KIAA1755: variants seen among roughly 807,000 people sequenced by gnomAD.
KIAA1755 encodes the protein uncharacterized protein KIAA1755.
A neutral mutation model predicts 91.7 loss-of-function variants in KIAA1755; 68 were observed. The ratio of observed to expected loss-of-function variants is 0.74; its 90% CI spans 0.61 to 0.91. The LOEUF is 0.91. KIAA1755 is among the 40% of genes least tolerant of loss of function. The probability of loss-of-function intolerance (pLI) is 0.00; values close to 1 mark genes in which losing one functional copy is unlikely to be tolerated. For missense variants in KIAA1755, 1,535 were observed against 1,494.4 expected, an observed-to-expected ratio of 1.03 and a Z score of -0.45; for synonymous variants, 610 against 604.6, an observed-to-expected ratio of 1.01 and a Z score of -0.13.
chr20:38,223,722 TG>T (rs2075704136), intron 8 of KIAA1755, 86 bp from the exon 9 acceptor site: 8 of 929,440 alleles, frequency 8.6e-6, no homozygotes, highest in South Asian at 4.7e-5. Context: ...AGAGGGGAGG[TG>T]GGAGGCAGTG....
chr20:38,220,863 C>A (rs1002259825), intron 10 of KIAA1755, among the ~76,000 whole-genome samples: 19 of 152,128 alleles, frequency 1.2e-4, no homozygotes, highest in African/African-American at 4.1e-4. Context: ...AGTTGGAACC[C>A]CACCCAGGGC....
chr20:38,222,612 A>G lies in KIAA1755; in HGVS notation c.2269-15T>C. 2 of 1,609,656 alleles carry G rather than the reference A, an allele frequency of 1.2e-6. No homozygotes were observed. Among genetic ancestry groups the G allele is most frequent in the Non-Finnish European group, 1.7e-6 (2 of 1,179,776 alleles). The stretch of plus-strand genomic sequence containing the variant: ...CTGGTAGCCTCCTGCCAGCGTAGGG[A>G]GGTGCCCTGAGGCCCCATCCCCACT... On this transcript the variant is annotated splice_polypyrimidine_tract_variant and intron_variant, in intron 9 of 13. Transcript: ENST00000279024.
chr20:38,249,465 T>C (rs1214503378), intron 1 of KIAA1755, among the ~76,000 whole-genome samples: 4 of 152,174 alleles, frequency 2.6e-5, no homozygotes, highest in Non-Finnish European at 5.9e-5. Context: ...GAGGGTGGCA[T>C]TTCTCAATGC....
intron 11 of KIAA1755, 150 bp from the exon 12 acceptor site, chr20:38,218,516 A>T: frequency 3.7e-6 from 4 of 1,095,548 alleles, no homozygotes; most frequent in Non-Finnish European, 5.1e-6. Flanking sequence ...AATTCTCCCA[A>T]TTCTGGGCGT....
At chr20:38,215,484 G>A (rs919287483) in intron 13 of KIAA1755, among the ~76,000 whole-genome samples, 3 of 152,180 alleles carry the variant, frequency 2.0e-5, no homozygotes, top group African/African-American at 4.8e-5. Flanking sequence ...AGAGACAAGC[G>A]AGTGACAAGG....
chr20:38,247,748 G>A (rs1008950351), intron 1 of KIAA1755, among the ~76,000 whole-genome samples: 6 of 152,330 alleles, frequency 3.9e-5, no homozygotes, highest in Admixed American at 3.9e-4. Context: ...TGGGCCCAGT[G>A]TAATCACCAG....
At chr20:38,251,144 T>C (rs1437845674) in intron 1 of KIAA1755, among the ~76,000 whole-genome samples, 2 of 152,180 alleles carry the variant, frequency 1.3e-5, no homozygotes, top group Non-Finnish European at 2.9e-5. Flanking sequence ...AAATAAACAA[T>C]GAAAACGAAT....
chr20:38,255,860 C>T (rs1297967670), intron 1 of KIAA1755, among the ~76,000 whole-genome samples: 1 of 152,092 alleles, frequency 6.6e-6, no homozygotes, highest in Non-Finnish European at 1.5e-5. Flanking sequence ...CCTCACTGAG[C>T]CTTAGTTTTG....
intron 1 of KIAA1755, among the ~76,000 whole-genome samples, chr20:38,250,462 ATATTATTAT>A (rs147689166): frequency 1.4e-5 from 2 of 147,732 alleles, no homozygotes; most frequent in African/African-American, 5.0e-5. Context: ...TTCTGTGGTC[ATATTATTAT>A]TATTATTATT....
chr20:38,246,286 CT>C (rs2076159857), intron 1 of KIAA1755, among the ~76,000 whole-genome samples, 160 bp from the exon 2 acceptor site: 1 of 152,314 alleles, frequency 6.6e-6, no homozygotes, highest in South Asian at 2.1e-4. Flanking sequence ...CCACACTGGC[CT>C]TCTTTCCTGT....
chr20:38,231,480 CT>C (rs2075863081), intron 4 of KIAA1755, among the ~76,000 whole-genome samples, 155 bp from the exon 5 acceptor site: 1 of 152,204 alleles, frequency 6.6e-6, no homozygotes, highest in African/African-American at 2.4e-5. Flanking sequence ...TCTACTTATC[CT>C]TCAAGACCCA....
intron 1 of KIAA1755, among the ~76,000 whole-genome samples, chr20:38,250,987 T>C (rs374351938): frequency 1.1e-3 from 167 of 152,240 alleles, no homozygotes; most frequent in African/African-American, 3.8e-3. Flanking sequence ...ATAAATCGAA[T>C]GTAACTCCAA....
chr20:38,255,232 G>C (rs959244396), intron 1 of KIAA1755, among the ~76,000 whole-genome samples: 1 of 152,082 alleles, frequency 6.6e-6, no homozygotes, highest in African/African-American at 2.4e-5. Flanking sequence ...GGGAGAGTCA[G>C]TCTAAACCAA....
chr20:38,231,655 G>T (rs2075866470), intron 4 of KIAA1755, among the ~76,000 whole-genome samples: 3 of 152,148 alleles, frequency 2.0e-5, no homozygotes, highest in Non-Finnish European at 4.4e-5. Context: ...TGTGTCTGTG[G>T]GCAAGTCAGT....
chr20:38,223,538 C>G lies in KIAA1755; in HGVS notation c.2268G>C (p.Gln756His). Residue 756 changes from glutamine (Q) to histidine (H), a missense_variant and splice_region_variant, in exon 9 of 14, where the codon CAG (glutamine) becomes CAC (histidine). Coordinates refer to ENST00000279024, the MANE Select transcript of KIAA1755 (RefSeq NM_001029864.2). ...FEKADPPGGMQEATRCLSKSK... is the reference protein window; with the variant it reads ...FEKADPPGGMHEATRCLSKSK... ...CCCAGTCACCATGCTCCAGGCTCAC[C>G]TGCATCCCCCCAGGGGGGTCGGCCT... is the stretch of plus-strand genomic sequence containing the variant. 6.3e-7 allele frequency: 1 copy of G among 1,576,932 alleles called. No homozygotes were observed. Among genetic ancestry groups the G allele is most frequent in the Non-Finnish European group, 8.6e-7 (1 of 1,166,274 alleles).
chr20:38,216,592 T>C (rs2075547057), intron 13 of KIAA1755, among the ~76,000 whole-genome samples: 1 of 152,204 alleles, frequency 6.6e-6, no homozygotes, highest in Non-Finnish European at 1.5e-5. Context: ...CCCACAGACC[T>C]CAGTTTTCCC....
chr20:38,223,596 G>C lies in KIAA1755; in HGVS notation c.2210C>G (p.Ser737Cys), dbSNP rs149887256. The C allele has an allele frequency of 3.1e-6, 5 of 1,603,838 alleles. No individual in the cohort carries two copies. In the African/African-American group the frequency reaches 6.7e-5, roughly 22 times the overall value. The change falls in exon 9 of 14, where the codon TCC becomes TGC. Residue 737 changes from serine (S) to cysteine (C), a missense_variant. Physicochemically the swap from Ser to Cys is moderately radical, Grantham distance 112. Transcript: ENST00000279024. ...PFLADLHQAS[S>C]LLQASIEEFE... is the part of the protein sequence containing the mutation. ...TTCCTCGATGGAAGCTTGTAGCAGG[G>C]AAGAGGCCTGGTGGAGGTCAGCAAG...
chr20:38,212,729 C>T lies in KIAA1755; in HGVS notation c.*313G>A. ...GGTGTCTGCCTGCCTGCGAGCGAGA[C>T]CTCTGGAGGGGTCTGTGCCGACAGG... is the stretch of plus-strand genomic sequence containing the variant. On this transcript the variant is annotated 3_prime_UTR_variant, in exon 14 of 14. Transcript: ENST00000279024. 2 of 264,884 alleles carry T rather than the reference C, an allele frequency of 7.6e-6. No individual in the cohort carries two copies. The highest frequency in any genetic ancestry group is 1.4e-5 in the Non-Finnish European group (2 of 139,122). The allele number at this position is 264,884 out of a possible 1,614,324, so 16.4% of individuals were successfully genotyped here. A position where few individuals can be genotyped will look rare whatever the true frequency, so the allele number is the denominator to read the frequency against.
intron 4 of KIAA1755, among the ~76,000 whole-genome samples, chr20:38,234,111 CTA>C (rs2075915632): frequency 6.6e-6 from 1 of 152,138 alleles, no homozygotes; most frequent in African/African-American, 2.4e-5. Flanking sequence ...GCCTCCAGAC[CTA>C]TGAGAAAATG....
Sources: allele counts gnomAD v4.1 joint callset (sites outside exome capture counted in the v4.1 genomes callset), GRCh38; gene constraint gnomAD v4.1.1; transcripts MANE v1.5; gene names NCBI Gene and HGNC (gene_info 2026-07-23, HGNC 2026-07-21).